PIGG: variants seen among roughly 807,000 people sequenced by gnomAD.
The protein encoded by PIGG is phosphatidylinositol glycan anchor biosynthesis class G (EMM blood group).
PIGG carries 70 observed loss-of-function variants against 83.2 expected under a neutral mutation model. The observed-to-expected ratio is 0.84, with a 90% CI of 0.69 to 1.03. The LOEUF (loss-of-function observed/expected upper bound fraction) is 1.03. PIGG is among the 50% of genes least tolerant of loss of function. PIGG has a pLI of 0.00. For missense variants in PIGG, 1,257 were observed against 1,233.6 expected, an observed-to-expected ratio of 1.02 and a Z score of -0.28; for synonymous variants, 532 against 519.5, an observed-to-expected ratio of 1.02 and a Z score of -0.33.
chr4:500,418 G>A lies in PIGG; in HGVS notation c.177G>A (p.Thr59=), dbSNP rs1243711729. Residue 59 remains threonine, a synonymous_variant, in exon 2 of 13, where the codon ACG becomes ACA. Coordinates refer to ENST00000453061, the MANE Select transcript of PIGG (RefSeq NM_001127178.3). ...PSAGASSNWT[T]LPPPLFSKVV... is the part of the protein sequence containing the mutation. ...TAGGAGCCAGTTCTAACTGGACCAC[G>A]CTGCCACCACCTCTCTTCAGTAAAG... 1 of 1,613,516 alleles carries A rather than the reference G, an allele frequency of 6.2e-7. No homozygotes were observed. The highest frequency in any genetic ancestry group is 8.5e-7 in the Non-Finnish European group (1 of 1,179,668).
chr4:535,000 C>T (rs547867251), intron 12 of PIGG, among the ~76,000 whole-genome samples: 2 of 152,250 alleles, frequency 1.3e-5, no homozygotes, highest in Non-Finnish European at 2.9e-5. Flanking sequence ...TGCAGCGTTC[C>T]CACCGCCGCA....
intron 9 of PIGG, chr4:525,300 ATAAC>A: frequency 1.0e-6 from 1 of 985,398 alleles, no homozygotes; most frequent in Non-Finnish European, 1.2e-6. Flanking sequence ...GGACAGAAAA[ATAAC>A]TAAGATTTGC....
intron 1 of PIGG, 70 bp from the exon 2 acceptor site, chr4:500,326 G>T: frequency 1.8e-6 from 2 of 1,118,178 alleles, no homozygotes; most frequent in Non-Finnish European, 2.7e-6. Context: ...GTAGAAGCTA[G>T]ATTGTGAAGG....
At chr4:527,912 C>G in intron 10 of PIGG, 1 of 985,314 alleles carries the variant, frequency 1.0e-6, no homozygotes, top group East Asian at 1.1e-4. Flanking sequence ...ATAGCTGTTT[C>G]CATTTATCTC....
Position 499,307 on chromosome 4 carries a change from G to T in PIGG, c.-29G>T, listed in dbSNP as rs782708485. 6.3e-7 allele frequency: 1 copy of T among 1,599,814 alleles called. No homozygotes were observed. Among genetic ancestry groups the T allele is most frequent in the Non-Finnish European group, 8.5e-7 (1 of 1,178,256 alleles). ...GCAGGGCGAGGCTCCAGGTGGGGTC[G>T]GTTCCGCATCCAGCCTAGCGTGTCC... On this transcript the variant is annotated 5_prime_UTR_variant, in exon 1 of 13. Coordinates refer to ENST00000453061, the MANE Select transcript of PIGG (RefSeq NM_001127178.3).
intron 7 of PIGG, 121 bp from the exon 8 acceptor site, chr4:521,539 T>G: frequency 7.3e-6 from 7 of 955,898 alleles, no homozygotes; most frequent in Non-Finnish European, 9.2e-6. Flanking sequence ...CATCTTTTCC[T>G]GAGCTTGCTT....
intron 6 of PIGG, among the ~76,000 whole-genome samples, chr4:516,793 T>A (rs1275281994): frequency 6.9e-6 from 1 of 144,082 alleles, no homozygotes. Context: ...GAGGTGGAGG[T>A]TGCAGTGAAC....
At chr4:510,572 T>C (rs781785411) in intron 5 of PIGG, among the ~76,000 whole-genome samples, 10 of 152,210 alleles carry the variant, frequency 6.6e-5, no homozygotes, top group African/African-American at 9.6e-5. Flanking sequence ...ATCTTGAATG[T>C]CTGACCTGAG....
chr4:505,459 CAAAAAAAAAAAA>C (rs35308755), intron 2 of PIGG, among the ~76,000 whole-genome samples: 38 of 45,026 alleles, frequency 8.4e-4, no homozygotes, highest in African/African-American at 2.6e-3. Context: ...CTGTATCTAC[CAAAAAAAAAAAA>C]AAAAAAAAAA....
At chr4:512,688 G>T (rs570856898) in intron 5 of PIGG, among the ~76,000 whole-genome samples, 2 of 151,572 alleles carry the variant, frequency 1.3e-5, no homozygotes, top group African/African-American at 4.9e-5. Context: ...GGTGGTGGGC[G>T]CCTGTAATCC....
chr4:519,219 C>T (rs1451297097), intron 6 of PIGG, among the ~76,000 whole-genome samples: 5 of 152,152 alleles, frequency 3.3e-5, no homozygotes, highest in African/African-American at 4.8e-5. Context: ...TGTGTGCGTG[C>T]GTGCGTGTCT....
intron 11 of PIGG, chr4:533,550 G>A: frequency 2.0e-6 from 1 of 499,352 alleles, no homozygotes; most frequent in Non-Finnish European, 3.7e-6. Flanking sequence ...CCTCTTCAGA[G>A]GGGGCCCCAG....
At chr4:509,280 C>T (rs186840913) in intron 5 of PIGG, among the ~76,000 whole-genome samples, 29 of 152,280 alleles carry the variant, frequency 1.9e-4, no homozygotes, top group African/African-American at 5.5e-4. Flanking sequence ...CTGAAGGAAA[C>T]GTGAATACCT....
chr4:508,214 C>T (rs1311156449), intron 4 of PIGG, among the ~76,000 whole-genome samples: 1 of 152,222 alleles, frequency 6.6e-6, no homozygotes, highest in African/African-American at 2.4e-5. Flanking sequence ...GGGCTTTCAA[C>T]AGCGTGTTGA....
rs1553873914 is a variant in PIGG at position 499,334 on chromosome 4, C to T, written c.-2C>T. 1.2e-6 allele frequency: 2 copies of T among 1,607,064 alleles called. No homozygotes were observed. Among genetic ancestry groups the T allele is most frequent in the South Asian group, 2.2e-5 (2 of 90,898 alleles). On this transcript the variant is annotated 5_prime_UTR_variant, in exon 1 of 13. It adds an upstream start codon to the 5' untranslated region. Transcript: ENST00000453061. The stretch of plus-strand genomic sequence containing the variant: ...TTCCGCATCCAGCCTAGCGTGTCCA[C>T]GATGCGGCTGGGCTCCGGGACTTTC...
Position 508,851 on chromosome 4 carries a change from A to G in PIGG, c.782A>G (p.Asn261Ser), listed in dbSNP as rs782333660. ...AAGGAGAGAGAGACGCCTTTACCCAATTTGCTGGTTCTTTGTGGTGACCAT... is the reference window on the plus strand; with the variant it reads ...AAGGAGAGAGAGACGCCTTTACCCAGTTTGCTGGTTCTTTGTGGTGACCAT... ...QSKERETPLP[N>S]LLVLCGDHGM... The change falls in exon 5 of 13, where the codon AAT becomes AGT. Residue 261 changes from asparagine (N) to serine (S), a missense_variant. Asn to Ser is a conservative substitution (Grantham distance 46, BLOSUM62 1). Coordinates refer to ENST00000453061, the MANE Select transcript of PIGG (RefSeq NM_001127178.3). The G allele has an allele frequency of 3.1e-6, 5 of 1,613,992 alleles. No homozygotes were observed. The highest frequency in any genetic ancestry group is 2.2e-5 in the South Asian group (2 of 91,082).
intron 8 of PIGG, chr4:522,740 C>G (rs1008930686): frequency 1.3e-5 from 2 of 154,032 alleles, no homozygotes; most frequent in Non-Finnish European, 1.4e-5. Flanking sequence ...GCTTGCACCT[C>G]GGGCCCATCT....
At chr4:505,685 C>T in intron 2 of PIGG, 33 bp from the exon 3 acceptor site, 1 of 1,491,338 alleles carries the variant, frequency 6.7e-7, no homozygotes, top group Non-Finnish European at 9.3e-7. Context: ...GTTTTGGATT[C>T]AGTGGCCTAA....
At chr4:514,952 A>G (rs530573692) in intron 5 of PIGG, among the ~76,000 whole-genome samples, 1 of 152,372 alleles carries the variant, frequency 6.6e-6, no homozygotes, top group Non-Finnish European at 1.5e-5. Context: ...AGAAAATACT[A>G]GAAGAAAGAA....
Sources: allele counts gnomAD v4.1 joint callset (sites outside exome capture counted in the v4.1 genomes callset), GRCh38; gene constraint gnomAD v4.1.1; transcripts MANE v1.5; gene names NCBI Gene and HGNC (gene_info 2026-07-23, HGNC 2026-07-21).